Variants in SLC25A31 observed in about 807,000 individuals in gnomAD.
The protein encoded by SLC25A31 is ADP/ATP translocase 4.
Under a neutral mutation model 36.2 loss-of-function variants are expected in SLC25A31, and 40 were observed. The ratio of observed to expected loss-of-function variants is 1.10; its 90% CI spans 0.86 to 1.44. The LOEUF is 1.44. SLC25A31 is among the 40% of genes most tolerant of loss of function. SLC25A31 has a pLI of 0.00. For synonymous variants in SLC25A31, 143 were observed against 149.7 expected, an observed-to-expected ratio of 0.96 and a Z score of 0.32; for missense variants, 350 against 397.1, an observed-to-expected ratio of 0.88 and a Z score of 1.01.
intron 1 of SLC25A31, among the ~76,000 whole-genome samples, chr4:127,731,988 T>G (rs1440021735): frequency 1.3e-5 from 2 of 152,218 alleles, no homozygotes; most frequent in Non-Finnish European, 2.9e-5. Context: ...ATTGATTTTT[T>G]CTATTAATAT....
At chr4:127,756,592 C>A (rs1732035316) in intron 2 of SLC25A31, among the ~76,000 whole-genome samples, 1 of 152,048 alleles carries the variant, frequency 6.6e-6, no homozygotes, top group African/African-American at 2.4e-5. Context: ...AATGTTCTCA[C>A]CACAAAAATT....
At position 127,744,656 on chromosome 4, in the gene SLC25A31, A is replaced by G. The variant is rs1731790583; in HGVS notation, c.233-16A>G. ...ATACAATGTAGGTTTATGTATTTATATGTTTCCCTCTGTAGGTTTCTTCAG... is the reference window on the plus strand; with the variant it reads ...ATACAATGTAGGTTTATGTATTTATGTGTTTCCCTCTGTAGGTTTCTTCAG... On this transcript the variant is annotated splice_polypyrimidine_tract_variant and intron_variant, in intron 1 of 5. Transcript: ENST00000281154. 5 of 1,580,658 alleles carry G rather than the reference A, an allele frequency of 3.2e-6. No individual in the cohort carries two copies. Among genetic ancestry groups the G allele is most frequent in the African/African-American group, 1.4e-5 (1 of 73,270 alleles).
chr4:127,737,306 T>C (rs775119389), intron 1 of SLC25A31, among the ~76,000 whole-genome samples: 1 of 152,236 alleles, frequency 6.6e-6, no homozygotes, highest in Non-Finnish European at 1.5e-5. Flanking sequence ...TTTCCTGTTA[T>C]ACTTCTAGGG....
chr4:127,772,866 T>G (rs550413022), intron 5 of SLC25A31, among the ~76,000 whole-genome samples: 1 of 151,686 alleles, frequency 6.6e-6, no homozygotes, highest in South Asian at 2.1e-4. Context: ...ACTGCAACTT[T>G]GACCTCCCAG....
chr4:127,730,489 C>G lies in SLC25A31; in HGVS notation c.-57C>G. The G allele has an allele frequency of 3.9e-6, 6 of 1,546,234 alleles. No individual in the cohort carries two copies. The highest frequency in any genetic ancestry group is 1.4e-5 in the African/African-American group (1 of 73,658). On this transcript the variant is annotated 5_prime_UTR_variant, in exon 1 of 6. The change creates a new upstream start codon in the 5' untranslated region. Coordinates refer to ENST00000281154, the MANE Select transcript of SLC25A31 (RefSeq NM_031291.4). ...TTTCCGGTTTTCCGCTTCCCTTCATCGTAGCTCCCGTACTCATTTTTAGCC... is the reference window on the plus strand; with the variant it reads ...TTTCCGGTTTTCCGCTTCCCTTCATGGTAGCTCCCGTACTCATTTTTAGCC...
intron 2 of SLC25A31, 33 bp downstream of exon 2, chr4:127,744,832 A>G (rs952866692): frequency 2.2e-6 from 3 of 1,339,572 alleles, no homozygotes; most frequent in Admixed American, 2.6e-5. Flanking sequence ...TTTTTCTTCC[A>G]ATATAGAAAT....
At chr4:127,761,447 A>G (rs919263993) in intron 2 of SLC25A31, among the ~76,000 whole-genome samples, 1 of 152,174 alleles carries the variant, frequency 6.6e-6, no homozygotes, top group Admixed American at 6.5e-5. Context: ...ATTTATTGTA[A>G]TGATACAGTG....
chr4:127,766,158 T>G (rs1003095476), intron 3 of SLC25A31, among the ~76,000 whole-genome samples: 7 of 151,636 alleles, frequency 4.6e-5, no homozygotes, highest in African/African-American at 7.2e-5. Context: ...ATTTGTTTTT[T>G]TTTTTGTTTT....
chr4:127,771,340 C>T (rs529188945), intron 5 of SLC25A31, among the ~76,000 whole-genome samples: 1 of 152,146 alleles, frequency 6.6e-6, no homozygotes, highest in African/African-American at 2.4e-5. Flanking sequence ...TTTAAAGACC[C>T]TATCTCCAAA....
At chr4:127,758,434 A>T (rs1732070962) in intron 2 of SLC25A31, among the ~76,000 whole-genome samples, 1 of 152,060 alleles carries the variant, frequency 6.6e-6, no homozygotes, top group Non-Finnish European at 1.5e-5. Context: ...CATTCTGCAT[A>T]TTGTCTGTTT....
intron 2 of SLC25A31, among the ~76,000 whole-genome samples, chr4:127,748,930 C>G (rs140695217): frequency 6.6e-5 from 10 of 152,152 alleles, no homozygotes; most frequent in Non-Finnish European, 1.3e-4. Context: ...AGACCCCAAA[C>G]AAATGGAGAT....
chr4:127,731,372 T>A (rs1578651996), intron 1 of SLC25A31, among the ~76,000 whole-genome samples: 2 of 141,342 alleles, frequency 1.4e-5, no homozygotes, highest in Non-Finnish European at 1.6e-5. Context: ...AAGGGGGCCC[T>A]AAAAAAAAAA....
intron 2 of SLC25A31, among the ~76,000 whole-genome samples, chr4:127,750,839 AAAG>A (rs1270754450): frequency 6.6e-6 from 1 of 152,198 alleles, no homozygotes; most frequent in Non-Finnish European, 1.5e-5. Flanking sequence ...GATTGGAGGA[AAAG>A]AAGAAATGAA....
At chr4:127,771,651 C>A (rs1407180782) in intron 5 of SLC25A31, among the ~76,000 whole-genome samples, 1 of 152,132 alleles carries the variant, frequency 6.6e-6, no homozygotes, top group Non-Finnish European at 1.5e-5. Flanking sequence ...GTTATATTTA[C>A]AAAGTAGTAA....
intron 1 of SLC25A31, among the ~76,000 whole-genome samples, chr4:127,731,710 C>T (rs982646791): frequency 6.6e-6 from 1 of 152,060 alleles, no homozygotes; most frequent in Non-Finnish European, 1.5e-5. Context: ...ACTTTAGGGT[C>T]CTTCCGTTTC....
intron 1 of SLC25A31, among the ~76,000 whole-genome samples, chr4:127,734,971 T>C (rs1440970186): frequency 1.3e-5 from 2 of 152,172 alleles, no homozygotes; most frequent in Non-Finnish European, 2.9e-5. Context: ...TAATATATTA[T>C]TGTTTATGTT....
intron 2 of SLC25A31, among the ~76,000 whole-genome samples, chr4:127,745,110 T>G (rs1325489949): frequency 6.6e-6 from 1 of 152,198 alleles, no homozygotes; most frequent in African/African-American, 2.4e-5. Context: ...TTTTGTCTGC[T>G]TATTTTAAGC....
At chr4:127,768,011 TGTTAAGTAAATAGCCTAGGAATG>T (rs757120730) in intron 4 of SLC25A31, among the ~76,000 whole-genome samples, 24 of 151,884 alleles carry the variant, frequency 1.6e-4, no homozygotes, top group Non-Finnish European at 3.1e-4. Flanking sequence ...GCCTAGGAAT[TGTTAAGTAAATAGCCTAGGAATG>T]GTTAAGTAAT....
intron 1 of SLC25A31, 84 bp downstream of exon 1, chr4:127,730,861 A>G (rs553709789): frequency 1.8e-4 from 232 of 1,284,854 alleles, no homozygotes; most frequent in Non-Finnish European, 1.3e-5. Flanking sequence ...GAGGGGCATG[A>G]TTGTGGGCCC....
Sources: allele counts gnomAD v4.1 joint callset (sites outside exome capture counted in the v4.1 genomes callset), GRCh38; gene constraint gnomAD v4.1.1; transcripts MANE v1.5; gene names NCBI Gene and HGNC (gene_info 2026-07-23, HGNC 2026-07-21).